ERBB4: variants seen among roughly 807,000 people sequenced by gnomAD.
ERBB4 encodes erb-b2 receptor tyrosine kinase 4.
In ERBB4, 42 loss-of-function variants were observed where a neutral mutation model predicts 158.0. The ratio of observed to expected loss-of-function variants is 0.27; its 90% confidence interval spans 0.21 to 0.34. ERBB4 has a LOEUF of 0.34. Ranked by LOEUF, ERBB4 falls within the 10% of genes least tolerant of loss-of-function variation. The pLI is 1.00. For missense variants in ERBB4, 1,333 were observed against 1,624.1 expected (o/e 0.82, Z 3.08); for synonymous variants, 583 against 558.7 (o/e 1.04, Z -0.61).
At chr2:212,398,125 T>TACAC (rs2091085233) in intron 1 of ERBB4, among the ~76,000 whole-genome samples, 3 of 151,390 alleles carry the variant, frequency 2.0e-5, no homozygotes, top group Non-Finnish European at 4.4e-5. Context: ...TGTGTGTGTA[T>TACAC]ATATATACAC....
chr2:212,074,219 T>A (rs1054676085), intron 2 of ERBB4, among the ~76,000 whole-genome samples: 3 of 152,022 alleles, frequency 2.0e-5, no homozygotes, highest in Non-Finnish European at 4.4e-5. Context: ...TTGCACTCCC[T>A]AGAAACAATA....
intron 3 of ERBB4, among the ~76,000 whole-genome samples, chr2:211,791,768 T>G (rs1224105740): frequency 6.6e-6 from 1 of 151,860 alleles, no homozygotes; most frequent in Admixed American, 6.6e-5. Context: ...ATATTAGACA[T>G]GACATCGATG....
intron 1 of ERBB4, among the ~76,000 whole-genome samples, chr2:212,171,095 G>C (rs148853728): frequency 0.033 from 5,031 of 152,206 alleles, 130 homozygotes; most frequent in Middle Eastern, 0.054. Flanking sequence ...CCACAGGAGA[G>C]GAGCTGCCCA....
chr2:212,102,869 A>G (rs751418039), intron 2 of ERBB4, among the ~76,000 whole-genome samples: 55 of 152,160 alleles, frequency 3.6e-4, no homozygotes, highest in African/African-American at 1.2e-3. Flanking sequence ...AACACATCTC[A>G]CATCTGTTCA....
At chr2:211,722,911 G>A (rs2074149793) in intron 6 of ERBB4, among the ~76,000 whole-genome samples, 3 of 152,194 alleles carry the variant, frequency 2.0e-5, no homozygotes, top group Non-Finnish European at 4.4e-5. Context: ...GTCCACTTGA[G>A]CTGGTATTTT....
chr2:211,539,848 C>A (rs2066751854), intron 20 of ERBB4, among the ~76,000 whole-genome samples: 1 of 151,960 alleles, frequency 6.6e-6, no homozygotes, highest in Non-Finnish European at 1.5e-5. Flanking sequence ...CTTTCTTATG[C>A]TGAAAACTTC....
chr2:211,854,679 C>T (rs1054439543), intron 3 of ERBB4, among the ~76,000 whole-genome samples: 22 of 152,096 alleles, frequency 1.4e-4, no homozygotes, highest in Admixed American at 2.6e-4. Flanking sequence ...TCCACTTTCA[C>T]GACTGTATAG....
chr2:211,852,635 A>ATTTTT (rs1340548969), intron 3 of ERBB4, among the ~76,000 whole-genome samples: 1 of 83,100 alleles, frequency 1.2e-5, no homozygotes, highest in Admixed American at 1.3e-4. Context: ...ACAATGGCCA[A>ATTTTT]CTTTTTTTTT....
intron 20 of ERBB4, among the ~76,000 whole-genome samples, chr2:211,478,816 C>A (rs955650835): frequency 6.6e-6 from 1 of 152,004 alleles, no homozygotes; most frequent in Non-Finnish European, 1.5e-5. Context: ...TGGTAACATC[C>A]TTTTTTCTTC....
chr2:212,359,554 T>A (rs556513592), intron 1 of ERBB4, among the ~76,000 whole-genome samples: 35 of 151,834 alleles, frequency 2.3e-4, no homozygotes, highest in South Asian at 8.3e-4. Context: ...GGCTTAATTA[T>A]CCCCATCAGT....
intron 1 of ERBB4, among the ~76,000 whole-genome samples, chr2:212,408,625 G>A (rs944753553): frequency 6.6e-6 from 1 of 152,028 alleles, no homozygotes; most frequent in African/African-American, 2.4e-5. Flanking sequence ...CTGCACTCTA[G>A]CCTGGACGAT....
At chr2:211,988,778 G>T (rs1010852025) in intron 2 of ERBB4, among the ~76,000 whole-genome samples, 1 of 151,842 alleles carries the variant, frequency 6.6e-6, no homozygotes, top group African/African-American at 2.4e-5. Context: ...AACTATTAAA[G>T]CTACTTTTAT....
At chr2:211,960,428 G>A (rs991883776) in intron 2 of ERBB4, among the ~76,000 whole-genome samples, 3 of 152,052 alleles carry the variant, frequency 2.0e-5, no homozygotes, top group African/African-American at 7.2e-5. Flanking sequence ...GACAATAATA[G>A]AGGACCAATT....
chr2:211,665,505 A>G (rs2071597422), intron 14 of ERBB4, 28 bp from the exon 15 acceptor site: 1 of 1,611,786 alleles, frequency 6.2e-7, no homozygotes, highest in Non-Finnish European at 8.5e-7. Context: ...AAAAAAAAGA[A>G]AAAAGAAAAG....
intron 20 of ERBB4, among the ~76,000 whole-genome samples, chr2:211,560,661 T>C (rs948816416): frequency 2.0e-5 from 3 of 152,140 alleles, no homozygotes; most frequent in African/African-American, 7.2e-5. Context: ...ATTATAGAAG[T>C]TCTTAGATAA....
chr2:212,429,540 T>C (rs1300395789), intron 1 of ERBB4, among the ~76,000 whole-genome samples: 1 of 152,170 alleles, frequency 6.6e-6, no homozygotes, highest in East Asian at 1.9e-4. Context: ...GTTACCAAAA[T>C]TTACTACATT....
chr2:211,555,485 T>G (rs2067213649), intron 20 of ERBB4, among the ~76,000 whole-genome samples: 2 of 152,160 alleles, frequency 1.3e-5, no homozygotes, highest in Non-Finnish European at 2.9e-5. Context: ...ACGCCCAGCC[T>G]AAGTTTGTGT....
Position 212,497,178 on chromosome 2 carries a change from CAA to C in ERBB4, c.82+41269_82+41270del, listed in dbSNP as rs397987683. On this transcript the variant is annotated intron_variant, in intron 1 of 27. Transcript: ENST00000342788. ...GGGTGACAAGAGCAAAACTCCATCT[CAA>C]AAAAAAAAAAAAAAAAACCCTATAT... is the stretch of plus-strand genomic sequence containing the variant. Among the ~76,000 whole-genome samples, 36 of 64,346 alleles carry C rather than the reference CAA, an allele frequency of 5.6e-4. 1 individual carries two copies. Among genetic ancestry groups the C allele is most frequent in the Middle Eastern group, 8.6e-3 (1 of 116 alleles). The allele number at this position is 64,346 out of a possible 152,430, so 42.2% of individuals were successfully genotyped here. A position where few individuals can be genotyped will look rare whatever the true frequency, so the allele number is the denominator to read the frequency against.
Position 212,507,650 on chromosome 2 carries a change from C to A in ERBB4, c.82+30799G>T, listed in dbSNP as rs148678972. 3.3e-3 allele frequency among the ~76,000 whole-genome samples: 507 copies of A among 152,236 alleles called. 4 individuals carry two copies. The highest frequency in any genetic ancestry group is 0.014 in the Admixed American group (217 of 15,288). On this transcript the variant is annotated intron_variant, in intron 1 of 27. Coordinates refer to ENST00000342788, the MANE Select transcript of ERBB4 (RefSeq NM_005235.3). ...AGCTACAGATGAGGTAGAAAGAGAA[C>A]TAGATATAGAGCCTAAATATGTGAC...
Sources: allele counts gnomAD v4.1 joint callset (sites outside exome capture counted in the v4.1 genomes callset), GRCh38; gene constraint gnomAD v4.1.1; transcripts MANE v1.5; gene names NCBI Gene and HGNC (gene_info 2026-07-23, HGNC 2026-07-21).